EDDM3A: variants seen among roughly 807,000 people sequenced by gnomAD.
EDDM3A encodes the protein epididymal secretory protein E3-alpha.
For missense variants in EDDM3A, 199 were observed against 177.4 expected (o/e 1.12, Z -0.69); for synonymous variants, 75 against 60.4 (o/e 1.24, Z -1.12).
chr14:20,747,864 G>C lies in EDDM3A; in HGVS notation c.284G>C (p.Trp95Ser). The C allele has an allele frequency of 6.2e-7, 1 of 1,614,160 alleles. No homozygotes were observed. The highest frequency in any genetic ancestry group is 2.2e-5 in the East Asian group (1 of 44,874). ...GSDRYRNAYV[W>S]APGALKVLEC... The stretch of plus-strand genomic sequence containing the variant: ...GACCGATATAGAAATGCATATGTAT[G>C]GGCCCCAGGTGCCCTCAAAGTACTC... Residue 95 changes from tryptophan to serine, a missense_variant, in exon 2 of 2, where the codon TGG (tryptophan) becomes TCG (serine). By Grantham distance (177) the Trp-to-Ser change is radical. Transcript: ENST00000326842.
At chr14:20,737,215 C>T in the EDDM3A span, among the ~76,000 whole-genome samples, 1 of 151,874 alleles carries the variant, frequency 6.6e-6, no homozygotes, top group Non-Finnish European at 1.5e-5. Flanking sequence ...CACCACGTCC[C>T]ACTAATTTTT....
chr14:20,741,516 G>A (rs773319169), upstream of EDDM3A, among the ~76,000 whole-genome samples: 54 of 152,056 alleles, frequency 3.6e-4, no homozygotes, highest in Admixed American at 6.6e-5. Context: ...CCCACCATAG[G>A]AGCCCCACAT....
At chr14:20,744,594 C>A (rs1396969251), upstream of EDDM3A, among the ~76,000 whole-genome samples, 1 of 152,182 alleles carries the variant, frequency 6.6e-6, no homozygotes, top group Non-Finnish European at 1.5e-5. Context: ...TGAACACTTG[C>A]ACAAACTCAG....
At chr14:20,742,534 C>T (rs966990249), upstream of EDDM3A, among the ~76,000 whole-genome samples, 1 of 152,180 alleles carries the variant, frequency 6.6e-6, no homozygotes, top group Non-Finnish European at 1.5e-5. Flanking sequence ...TTCATCTTCT[C>T]ATCTGTGTCT....
At chr14:20,743,320 C>A (rs142137113), upstream of EDDM3A, among the ~76,000 whole-genome samples, 4 of 152,238 alleles carry the variant, frequency 2.6e-5, 1 homozygote, top group African/African-American at 9.6e-5. Context: ...GAGGCCAAGG[C>A]GGGTGGATCA....
Position 20,747,866 on chromosome 14 carries a change from G to A in EDDM3A, c.286G>A (p.Ala96Thr). 6.2e-7 allele frequency: 1 copy of A among 1,614,124 alleles called. No individual in the cohort carries two copies. The highest frequency in any genetic ancestry group is 8.5e-7 in the Non-Finnish European group (1 of 1,180,030). Residue 96 changes from alanine (A) to threonine (T), a missense_variant, in exon 2 of 2, where the codon GCC becomes ACC. Physicochemically the swap from Ala to Thr is moderately conservative, Grantham distance 58. Transcript: ENST00000326842. ...CCGATATAGAAATGCATATGTATGG[G>A]CCCCAGGTGCCCTCAAAGTACTCGA... is the stretch of plus-strand genomic sequence containing the variant. ...SDRYRNAYVWAPGALKVLECH... is the reference protein window; with the variant it reads ...SDRYRNAYVWTPGALKVLECH...
upstream of EDDM3A, among the ~76,000 whole-genome samples, chr14:20,740,981 C>T (rs1289145521): frequency 1.3e-5 from 2 of 152,198 alleles, no homozygotes; most frequent in Non-Finnish European, 2.9e-5. Flanking sequence ...TATTTGGGTA[C>T]ACTCTCCATT....
upstream of EDDM3A, among the ~76,000 whole-genome samples, chr14:20,744,090 G>C (rs1308546926): frequency 6.6e-6 from 1 of 152,194 alleles, no homozygotes; most frequent in Non-Finnish European, 1.5e-5. Flanking sequence ...TTGTTGGAAA[G>C]AGCTCTGGAT....
upstream of EDDM3A, among the ~76,000 whole-genome samples, chr14:20,742,498 G>A (rs1011658169): frequency 4.6e-5 from 7 of 152,222 alleles, no homozygotes; most frequent in South Asian, 4.1e-4. Flanking sequence ...GTGTAACCAC[G>A]ATAGGTGTGT....
At chr14:20,742,631 C>T (rs1877469428), upstream of EDDM3A, among the ~76,000 whole-genome samples, 1 of 152,168 alleles carries the variant, frequency 6.6e-6, no homozygotes, top group Non-Finnish European at 1.5e-5. Flanking sequence ...GGGTCTCACT[C>T]AGTCACCCAG....
the EDDM3A span, among the ~76,000 whole-genome samples, chr14:20,738,356 A>G: frequency 6.6e-6 from 1 of 152,136 alleles, no homozygotes; most frequent in Non-Finnish European, 1.5e-5. Context: ...CTGTAGTCCC[A>G]GCTACTCGGG....
At chr14:20,737,054 C>CA in the EDDM3A span, among the ~76,000 whole-genome samples, 1 of 109,964 alleles carries the variant, frequency 9.1e-6, no homozygotes, top group African/African-American at 3.1e-5. Context: ...TTTCTTTTTC[C>CA]TTTTTTTTTT....
At position 20,747,715 on chromosome 14, in the gene EDDM3A, C is replaced by T. The variant is rs1292573395; in HGVS notation, c.135C>T (p.Phe45=). ...ATTACTTAAGTCCAAGTCGAGAATT[C>T]AAAGAGTACAAATGTGATGTCCTCA... ...KLHYLSPSRE[F]KEYKCDVLMR... Residue 45 remains phenylalanine, a synonymous_variant, in exon 2 of 2, where the codon TTC becomes TTT. Coordinates refer to ENST00000326842, the MANE Select transcript of EDDM3A (RefSeq NM_006683.5). 1 of 1,614,064 alleles carries T rather than the reference C, an allele frequency of 6.2e-7. No homozygotes were observed. The highest frequency in any genetic ancestry group is 1.7e-5 in the Admixed American group (1 of 60,016).
Position 20,745,899 on chromosome 14 carries a change from C to A in EDDM3A, c.-120C>A. On this transcript the variant is annotated 5_prime_UTR_variant, in exon 1 of 2. Coordinates refer to ENST00000326842, the MANE Select transcript of EDDM3A (RefSeq NM_006683.5). ...TCTCCACTGCTGTAGATTTCCAGGG[C>A]TCTGAGAAAAGGAGGAGGACGCAGA... 1 of 152,396 alleles carries A rather than the reference C, an allele frequency of 6.6e-6. No individual in the cohort carries two copies. Among genetic ancestry groups the A allele is most frequent in the African/African-American group, 2.4e-5 (1 of 41,562 alleles). 9.4% of individuals were successfully genotyped at this position (152,396 alleles called of 1,614,324 possible). A position where few individuals can be genotyped will look rare whatever the true frequency, so the allele number is the denominator to read the frequency against.
At chr14:20,737,069 T>TTTTTTC in the EDDM3A span, among the ~76,000 whole-genome samples, 1 of 151,010 alleles carries the variant, frequency 6.6e-6, no homozygotes, top group East Asian at 1.9e-4. Flanking sequence ...TTTTTTTTTT[T>TTTTTTC]TGAGACAGAG....
upstream of EDDM3A, among the ~76,000 whole-genome samples, chr14:20,742,329 G>A (rs1336454493): frequency 6.6e-6 from 1 of 152,240 alleles, no homozygotes; most frequent in African/African-American, 2.4e-5. Context: ...AGAGGTATGA[G>A]GAAGTATTCA....
At chr14:20,739,164 A>T in the EDDM3A span, among the ~76,000 whole-genome samples, 1 of 152,200 alleles carries the variant, frequency 6.6e-6, no homozygotes, top group African/African-American at 2.4e-5. Flanking sequence ...CAAATTTCTC[A>T]TGTAAGTAGC....
chr14:20,742,051 A>C (rs1334435128), upstream of EDDM3A, among the ~76,000 whole-genome samples: 1 of 152,190 alleles, frequency 6.6e-6, no homozygotes, highest in African/African-American at 2.4e-5. Context: ...TCATCTCTTG[A>C]CTGAACTGAA....
rs201332362 is a variant in EDDM3A at position 20,747,589 on chromosome 14, C to T, written c.9C>T (p.Ser3=). The T allele has an allele frequency of 3.1e-6, 5 of 1,599,584 alleles. No individual in the cohort carries two copies. The highest frequency in any genetic ancestry group is 1.3e-5 in the African/African-American group (1 of 74,154). Residue 3 remains serine (S), a synonymous_variant, in exon 2 of 2, where the codon TCC becomes TCT. Transcript: ENST00000326842. ...TGGACGTGGTGACTGAGATGACATC[C>T]TCTCTAAAGATTTGGGGCATACTCT... MT[S]SLKIWGILLA...
Sources: allele counts gnomAD v4.1 joint callset (sites outside exome capture counted in the v4.1 genomes callset), GRCh38; gene constraint gnomAD v4.1.1; transcripts MANE v1.5; gene names NCBI Gene and HGNC (gene_info 2026-07-23, HGNC 2026-07-21).